ROR1: variants seen among roughly 807,000 people sequenced by gnomAD.
ROR1 encodes inactive tyrosine-protein kinase transmembrane receptor ROR1.
A neutral mutation model predicts 78.8 loss-of-function variants in ROR1; 19 were observed. That is an observed-to-expected ratio of 0.24 (90% CI 0.17 to 0.35). ROR1 has a LOEUF of 0.35. Among genes scored for constraint, ROR1 ranks in the 10% least tolerant of loss-of-function variants. The pLI, the probability that ROR1 is intolerant of heterozygous loss-of-function variation, is 1.00. For synonymous variants in ROR1, 386 were observed against 433.6 expected (o/e 0.89, Z 1.36); for missense variants, 917 against 1,177.8 (o/e 0.78, Z 3.24).
At chr1:63,849,675 G>A (rs909020045) in intron 1 of ROR1, among the ~76,000 whole-genome samples, 2 of 152,026 alleles carry the variant, frequency 1.3e-5, no homozygotes, top group Non-Finnish European at 2.9e-5. Flanking sequence ...ACAGCCTGAG[G>A]GACAGAATGA....
intron 1 of ROR1, among the ~76,000 whole-genome samples, chr1:64,004,695 A>G (rs12085150): frequency 0.043 from 6,490 of 152,278 alleles, 491 homozygotes; most frequent in African/African-American, 0.15. Context: ...TTACCTGCCA[A>G]CTGCTGAGAT....
chr1:63,874,997 A>G (rs930941594), intron 1 of ROR1, among the ~76,000 whole-genome samples: 2 of 152,150 alleles, frequency 1.3e-5, no homozygotes, highest in Admixed American at 1.3e-4. Context: ...TACTAATGGA[A>G]CCAGCATTTG....
chr1:64,014,740 C>A lies in ROR1; in HGVS notation c.163+5364C>A, dbSNP rs1376897660. Among the ~76,000 whole-genome samples the A allele has an allele frequency of 7.6e-4, 22 of 29,052 alleles. 2 individuals carry two copies. In the South Asian group the frequency reaches 0.02, roughly 26 times the overall value. 19.1% of individuals were successfully genotyped at this position (29,052 alleles called of 152,430 possible). ...ATATATATATATACACATACGCACA[C>A]TATATATATATATATATATATATAT... On this transcript the variant is annotated intron_variant, in intron 2 of 8. Coordinates refer to ENST00000371079, the MANE Select transcript of ROR1 (RefSeq NM_005012.4).
chr1:63,947,314 T>C (rs970642784), intron 1 of ROR1, among the ~76,000 whole-genome samples: 6 of 152,204 alleles, frequency 3.9e-5, no homozygotes, highest in African/African-American at 9.7e-5. Flanking sequence ...TATGCTAATA[T>C]GGCATTCTTA....
chr1:63,804,455 A>G (rs1197266932), intron 1 of ROR1, among the ~76,000 whole-genome samples: 1 of 152,132 alleles, frequency 6.6e-6, no homozygotes, highest in African/African-American at 2.4e-5. Context: ...CTCAATCTAT[A>G]CTTATTTCAA....
chr1:64,012,967 A>G (rs1022727194), intron 2 of ROR1, among the ~76,000 whole-genome samples: 3 of 152,116 alleles, frequency 2.0e-5, no homozygotes, highest in Non-Finnish European at 4.4e-5. Context: ...TAGAAAATGG[A>G]CTTGAGCCAG....
chr1:64,110,409 A>G (rs1404474619), intron 4 of ROR1, among the ~76,000 whole-genome samples: 1 of 152,144 alleles, frequency 6.6e-6, no homozygotes, highest in Non-Finnish European at 1.5e-5. Context: ...CACACAGCCT[A>G]TCAGATATAG....
intron 7 of ROR1, among the ~76,000 whole-genome samples, chr1:64,154,609 T>C (rs1386066036): frequency 6.6e-6 from 1 of 152,224 alleles, no homozygotes; most frequent in Non-Finnish European, 1.5e-5. Flanking sequence ...TTTTCTCCAT[T>C]ATATTTAATT....
chr1:63,967,257 A>G (rs981902029), intron 1 of ROR1, among the ~76,000 whole-genome samples: 2 of 152,170 alleles, frequency 1.3e-5, no homozygotes, highest in African/African-American at 2.4e-5. Context: ...AGAATTTTTC[A>G]TTCCTTCTGG....
At chr1:63,954,188 T>C (rs540508908) in intron 1 of ROR1, among the ~76,000 whole-genome samples, 2 of 152,332 alleles carry the variant, frequency 1.3e-5, no homozygotes, top group Admixed American at 1.3e-4. Flanking sequence ...TGCTCCACTT[T>C]TACTAATTGG....
intron 8 of ROR1, among the ~76,000 whole-genome samples, chr1:64,167,711 T>G (rs187576574): frequency 2.6e-5 from 4 of 152,262 alleles, no homozygotes. Flanking sequence ...AAATCTTACA[T>G]CTATATACTC....
chr1:64,147,407 C>G (rs1649504304), intron 7 of ROR1, among the ~76,000 whole-genome samples: 1 of 152,068 alleles, frequency 6.6e-6, no homozygotes. Flanking sequence ...AAAGCAGTTC[C>G]TCTTGAATTC....
At chr1:63,859,547 CT>C (rs1162888872) in intron 1 of ROR1, among the ~76,000 whole-genome samples, 3 of 152,214 alleles carry the variant, frequency 2.0e-5, no homozygotes, top group Non-Finnish European at 2.9e-5. Flanking sequence ...AATGTCCCCC[CT>C]GTAGGCTGTT....
At chr1:64,027,745 T>G (rs563062599) in intron 2 of ROR1, among the ~76,000 whole-genome samples, 1 of 152,156 alleles carries the variant, frequency 6.6e-6, no homozygotes, top group African/African-American at 2.4e-5. Context: ...TGGAATGCAG[T>G]GGCTTGGTCT....
At chr1:64,172,628 T>C (rs1394158645) in intron 8 of ROR1, among the ~76,000 whole-genome samples, 1 of 152,232 alleles carries the variant, frequency 6.6e-6, no homozygotes. Context: ...TGGTTTACTT[T>C]GGCACCATGC....
intron 4 of ROR1, among the ~76,000 whole-genome samples, chr1:64,060,858 C>T (rs1176051941): frequency 3.3e-5 from 5 of 152,190 alleles, no homozygotes; most frequent in African/African-American, 4.8e-5. Context: ...AAGCCAAGCT[C>T]TTATGTACCA....
At chr1:64,143,468 G>A (rs550513181) in intron 7 of ROR1, 2 of 945,850 alleles carry the variant, frequency 2.1e-6, no homozygotes, top group African/African-American at 3.5e-5. Flanking sequence ...CATAGATAAT[G>A]CCAAGTTTCC....
chr1:64,076,749 A>C (rs1392587544), intron 4 of ROR1, among the ~76,000 whole-genome samples: 1 of 152,242 alleles, frequency 6.6e-6, no homozygotes, highest in Non-Finnish European at 1.5e-5. Context: ...TTAAGTAAAA[A>C]TAAAATTTAT....
At chr1:64,127,490 GTC>G (rs963357905) in intron 4 of ROR1, among the ~76,000 whole-genome samples, 33 of 141,742 alleles carry the variant, frequency 2.3e-4, no homozygotes, top group African/African-American at 5.2e-4. Flanking sequence ...TCCTCTCTCT[GTC>G]TCTCTCTCTC....
Sources: gnomAD v4.1 joint callset for allele counts (sites outside exome capture counted in the v4.1 genomes callset) on GRCh38, gnomAD v4.1.1 for gene constraint, MANE v1.5 for transcripts, NCBI Gene and HGNC (gene_info 2026-07-23, HGNC 2026-07-21) for gene names.